NBEA: variants seen among roughly 807,000 people sequenced by gnomAD.
NBEA encodes the protein neurobeachin.
In NBEA, 44 loss-of-function variants were observed where a neutral mutation model predicts 343.4. The ratio of observed to expected loss-of-function variants is 0.13; its 90% CI spans 0.10 to 0.16. The LOEUF is 0.16. Among genes scored for constraint, NBEA ranks in the 10% least tolerant of loss-of-function variants. NBEA has a pLI of 1.00. For missense variants in NBEA, 2,555 were observed against 3,631.3 expected, an observed-to-expected ratio of 0.70 and a Z score of 7.62; for synonymous variants, 1,175 against 1,238.7, an observed-to-expected ratio of 0.95 and a Z score of 1.08.
At chr13:35,505,194 A>G (rs1478772769) in intron 41 of NBEA, among the ~76,000 whole-genome samples, 1 of 152,206 alleles carries the variant, frequency 6.6e-6, no homozygotes, top group Non-Finnish European at 1.5e-5. Context: ...TACTATGTTC[A>G]TATGAATCCA....
chr13:35,479,125 G>A (rs554049426), intron 41 of NBEA, among the ~76,000 whole-genome samples: 46 of 152,340 alleles, frequency 3.0e-4, no homozygotes, highest in African/African-American at 1.1e-3. Context: ...AGGTATACTA[G>A]GAAACTCATT....
At chr13:35,484,316 T>C (rs1026523568) in intron 41 of NBEA, among the ~76,000 whole-genome samples, 1 of 151,016 alleles carries the variant, frequency 6.6e-6, no homozygotes. Context: ...TAATTTAAAA[T>C]TGTTTTTTAC....
intron 17 of NBEA, among the ~76,000 whole-genome samples, chr13:35,138,742 G>A (rs915673556): frequency 1.3e-5 from 2 of 151,932 alleles, no homozygotes; most frequent in African/African-American, 4.8e-5. Context: ...TTACAGGTGT[G>A]AGCCACTGCG....
At chr13:35,476,842 G>C (rs2075894873) in intron 41 of NBEA, 1 of 1,006,696 alleles carries the variant, frequency 9.9e-7, no homozygotes, top group Non-Finnish European at 1.2e-6. Context: ...CTAAAGGTAG[G>C]AGGCTGCTGC....
chr13:35,651,356 G>A (rs1337617166), intron 52 of NBEA, among the ~76,000 whole-genome samples: 1 of 151,942 alleles, frequency 6.6e-6, no homozygotes, highest in South Asian at 2.1e-4. Context: ...CCCCAGGTGA[G>A]CGCAGGCTCA....
chr13:35,503,948 T>C (rs562625302), intron 41 of NBEA, among the ~76,000 whole-genome samples: 1 of 152,262 alleles, frequency 6.6e-6, no homozygotes, highest in African/African-American at 2.4e-5. Flanking sequence ...GATTATTCCC[T>C]AAGAGAAAGG....
chr13:35,277,226 G>T (rs74048972), intron 34 of NBEA, among the ~76,000 whole-genome samples: 6,494 of 152,114 alleles, frequency 0.043, 156 homozygotes, highest in South Asian at 0.078. Flanking sequence ...AAACCAAGGT[G>T]GATGACATGC....
intron 1 of NBEA, among the ~76,000 whole-genome samples, chr13:35,025,232 A>G (rs2061978831): frequency 6.6e-6 from 1 of 152,108 alleles, no homozygotes; most frequent in African/African-American, 2.4e-5. Flanking sequence ...TGGAGACATC[A>G]TCTTGAAATC....
intron 44 of NBEA, among the ~76,000 whole-genome samples, chr13:35,565,305 G>A (rs1314668057): frequency 6.6e-6 from 1 of 152,060 alleles, no homozygotes; most frequent in African/African-American, 2.4e-5. Context: ...TCAATAAAGT[G>A]TTTTCTAAAT....
At chr13:35,469,099 C>CAA (rs34222156) in intron 40 of NBEA, among the ~76,000 whole-genome samples, 51,726 of 84,772 alleles carry the variant, frequency 0.61, 16,756 homozygotes, top group Non-Finnish European at 0.7. Flanking sequence ...GACTCTATCT[C>CAA]AAAAAAAAAA....
intron 17 of NBEA, among the ~76,000 whole-genome samples, chr13:35,129,671 A>G: frequency 6.6e-6 from 1 of 152,232 alleles, no homozygotes; most frequent in Non-Finnish European, 1.5e-5. Context: ...GTTATAGAAA[A>G]GGGGAAGAGA....
chr13:35,018,141 A>T (rs1235767757), intron 1 of NBEA, among the ~76,000 whole-genome samples: 2 of 152,016 alleles, frequency 1.3e-5, no homozygotes, highest in Non-Finnish European at 1.5e-5. Flanking sequence ...TATTGCCTTG[A>T]TTTTTGTGGC....
At chr13:35,512,317 C>A (rs2077306325) in intron 41 of NBEA, among the ~76,000 whole-genome samples, 1 of 152,140 alleles carries the variant, frequency 6.6e-6, no homozygotes, top group South Asian at 2.1e-4. Context: ...GGGATTAAAC[C>A]TGAATAGCAG....
intron 17 of NBEA, among the ~76,000 whole-genome samples, chr13:35,139,920 T>C (rs2067995588): frequency 6.6e-6 from 1 of 152,100 alleles, no homozygotes; most frequent in South Asian, 2.1e-4. Flanking sequence ...TATAAACGTT[T>C]GCATTGGAGG....
At chr13:35,607,014 A>T (rs1472668007) in intron 48 of NBEA, among the ~76,000 whole-genome samples, 2 of 152,158 alleles carry the variant, frequency 1.3e-5, no homozygotes, top group Non-Finnish European at 2.9e-5. Context: ...TGTGAAACAT[A>T]CCTTATGGTG....
chr13:35,215,821 T>G (rs2074035984), intron 33 of NBEA, among the ~76,000 whole-genome samples: 1 of 151,628 alleles, frequency 6.6e-6, no homozygotes, highest in African/African-American at 2.4e-5. Context: ...GCCTGGAATT[T>G]TCTTTCTGGG....
intron 38 of NBEA, among the ~76,000 whole-genome samples, chr13:35,356,135 T>A (rs2152869425): frequency 6.6e-6 from 1 of 152,252 alleles, no homozygotes; most frequent in Admixed American, 6.5e-5. Flanking sequence ...TCAGTAATGA[T>A]ACCTATCATG....
chr13:34,958,525 T>C (rs530753042), intron 1 of NBEA, among the ~76,000 whole-genome samples: 30 of 138,412 alleles, frequency 2.2e-4, no homozygotes, highest in African/African-American at 7.1e-4. Context: ...AAAAATTGGG[T>C]CAGGATTTGA....
At chr13:35,476,146 C>T in intron 41 of NBEA, 2 of 1,613,696 alleles carry the variant, frequency 1.2e-6, no homozygotes, top group East Asian at 4.5e-5. Flanking sequence ...CATGTTGGGG[C>T]AGAGATCCGG....
Sources: gnomAD v4.1 joint callset for allele counts (sites outside exome capture counted in the v4.1 genomes callset) on GRCh38, gnomAD v4.1.1 for gene constraint, MANE v1.5 for transcripts, NCBI Gene and HGNC (gene_info 2026-07-23, HGNC 2026-07-21) for gene names.